Variants in ITGA3 observed in about 807,000 individuals in gnomAD.
ITGA3 encodes the protein integrin subunit alpha 3.
In ITGA3, 70 loss-of-function variants were observed where a neutral mutation model predicts 131.1. That is an observed-to-expected ratio of 0.53 (90% CI 0.44 to 0.65). The LOEUF (loss-of-function observed/expected upper bound fraction) is 0.65. Ranked by LOEUF, ITGA3 falls within the 30% of genes least tolerant of loss-of-function variation. ITGA3 has a pLI of 0.00. For synonymous variants in ITGA3, 537 were observed against 571.6 expected, an observed-to-expected ratio of 0.94 and a Z score of 0.86; for missense variants, 1,098 against 1,388.6, an observed-to-expected ratio of 0.79 and a Z score of 3.33.
chr17:50,073,593 AACACACACACACACACACACAC>A (rs71146961), intron 7 of ITGA3, among the ~76,000 whole-genome samples: 1 of 144,158 alleles, frequency 6.9e-6, no homozygotes, highest in African/African-American at 2.6e-5. Context: ...ACTGTCTATA[AACACACACACACACACACACAC>A]ACACACACAC....
chr17:50,056,339 T>A lies in ITGA3; in HGVS notation c.-101T>A. 1.2e-6 allele frequency: 1 copy of A among 808,274 alleles called. No homozygotes were observed. The highest frequency in any genetic ancestry group is 1.8e-6 in the Non-Finnish European group (1 of 556,706). 50.1% of individuals were successfully genotyped at this position (808,274 alleles called of 1,614,324 possible). A position where few individuals can be genotyped will look rare whatever the true frequency, so the allele number is the denominator to read the frequency against. On this transcript the variant is annotated 5_prime_UTR_variant, in exon 1 of 26. Transcript: ENST00000320031. This position sits in a 1 kb window ranked among gnomAD's most constrained non-coding sequence, Gnocchi z 5.6. ...CTACGGAGCGCAGCGGCCGGCGGGT[T>A]CCAGTGTCCTCCGGCGGCGCGGGGA...
chr17:50,071,279 G>A (rs1908617801), intron 5 of ITGA3, 32 bp from the exon 6 acceptor site: 1 of 1,596,026 alleles, frequency 6.3e-7, no homozygotes, highest in Non-Finnish European at 8.6e-7. Flanking sequence ...AGTTGACTGG[G>A]ACCTTGGTTG....
Position 50,088,096 on chromosome 17 carries a change from C to T in ITGA3, c.3046-129C>T, listed in dbSNP as rs1241820795. 3.0e-6 allele frequency: 4 copies of T among 1,325,954 alleles called. No individual in the cohort carries two copies. The African/African-American group carries it at 4.4e-5, about 15-fold the overall frequency. The allele number at this position is 1,325,954 out of a possible 1,614,324, so 82.1% of individuals were successfully genotyped here. On this transcript the variant is annotated intron_variant, in intron 24 of 25. Transcript: ENST00000320031. ...ACCCAGGAGCTCTGGCTTCTGACCACACCACCAAGCTGGGACTGAGCCCCA... is the reference window on the plus strand; with the variant it reads ...ACCCAGGAGCTCTGGCTTCTGACCATACCACCAAGCTGGGACTGAGCCCCA...
At position 50,056,191 on chromosome 17, in the gene ITGA3, G is replaced by C. The variant is rs1181196905; in HGVS notation, c.-249G>C. 7 of 426,816 alleles carry C rather than the reference G, an allele frequency of 1.6e-5. No individual in the cohort carries two copies. In the South Asian group the frequency reaches 3.8e-4, roughly 23 times the overall value. The allele number at this position is 426,816 out of a possible 1,614,324, so 26.4% of individuals were successfully genotyped here. A position where few individuals can be genotyped will look rare whatever the true frequency, so the allele number is the denominator to read the frequency against. On this transcript the variant is annotated 5_prime_UTR_variant, in exon 1 of 26. Transcript: ENST00000320031. The surrounding 1 kb of genome is among the most constrained non-coding windows in gnomAD (Gnocchi z 5.6). ...GGACAAGCTGGGGGCCGGTTGCCCG[G>C]GGCAGGGACGGCGGCGACCCGGCCG...
chr17:50,056,407 G>C lies in ITGA3; in HGVS notation c.-33G>C, dbSNP rs1033243260. On this transcript the variant is annotated 5_prime_UTR_variant, in exon 1 of 26. Coordinates refer to ENST00000320031, the MANE Select transcript of ITGA3 (RefSeq NM_002204.4). The surrounding 1 kb of genome is among the most constrained non-coding windows in gnomAD (Gnocchi z 5.6). The stretch of plus-strand genomic sequence containing the variant: ...CACGCCCAGCTCCGCGCCCTCACGC[G>C]CTCTCGCCGGGACCCCGCTTCCGCT... 2.8e-6 allele frequency: 4 copies of C among 1,420,890 alleles called. No homozygotes were observed. The South Asian group carries it at 6.1e-5, about 22-fold the overall frequency. 88.0% of individuals were successfully genotyped at this position (1,420,890 alleles called of 1,614,324 possible). A position where few individuals can be genotyped will look rare whatever the true frequency, so the allele number is the denominator to read the frequency against.
In ITGA3 at chr17:50,056,142, A is replaced by G; in HGVS notation, c.-298A>G. 2.9e-6 allele frequency: 1 copy of G among 339,248 alleles called. No individual in the cohort carries two copies. 21.0% of individuals were successfully genotyped at this position (339,248 alleles called of 1,614,324 possible). On this transcript the variant is annotated 5_prime_UTR_variant, in exon 1 of 26. Coordinates refer to ENST00000320031, the MANE Select transcript of ITGA3 (RefSeq NM_002204.4). The surrounding 1 kb of genome is among the most constrained non-coding windows in gnomAD (Gnocchi z 5.6). ...CCGCGAAGCCGGGATCGAAGGCGAC[A>G]GCGCGGCCAAGGGGGCGCGGCCGGG... is the stretch of plus-strand genomic sequence containing the variant.
chr17:50,076,075 T>C (rs996809336), intron 12 of ITGA3, among the ~76,000 whole-genome samples: 1 of 151,836 alleles, frequency 6.6e-6, no homozygotes, highest in African/African-American at 2.4e-5. Flanking sequence ...AGGGGAGAGC[T>C]CAACCTGGAG....
In ITGA3 at chr17:50,077,124, G is replaced by A. The variant is rs1325488645; in HGVS notation, c.2070+3G>A. ...TGCTGCTGTCCTCAGTGCGCCCCGT[G>A]AGTGCCCGCCGGCCGGCTCAGAGCC... On this transcript the variant is annotated splice_donor_region_variant and intron_variant, in intron 15 of 25. Coordinates refer to ENST00000320031, the MANE Select transcript of ITGA3 (RefSeq NM_002204.4). 4 of 1,539,808 alleles carry A rather than the reference G, an allele frequency of 2.6e-6. No individual in the cohort carries two copies. The highest frequency in any genetic ancestry group is 3.5e-6 in the Non-Finnish European group (4 of 1,136,982).
chr17:50,090,455 C>T lies in ITGA3; in HGVS notation c.*1377C>T, dbSNP rs981553966. 5 of 247,602 alleles carry T rather than the reference C, an allele frequency of 2.0e-5. No homozygotes were observed. The highest frequency in any genetic ancestry group is 1.1e-4 in the East Asian group (1 of 9,264). The allele number at this position is 247,602 out of a possible 1,614,324, so 15.3% of individuals were successfully genotyped here. A position where few individuals can be genotyped will look rare whatever the true frequency, so the allele number is the denominator to read the frequency against. Reference sequence around the variant, plus strand: ...TTCTTTGTATATAGGCTTCTCACGGCGACCAATAAACAGCTCCCAGTTTGT... The same window carrying T: ...TTCTTTGTATATAGGCTTCTCACGGTGACCAATAAACAGCTCCCAGTTTGT... On this transcript the variant is annotated 3_prime_UTR_variant, in exon 26 of 26. Coordinates refer to ENST00000320031, the MANE Select transcript of ITGA3 (RefSeq NM_002204.4).
chr17:50,072,339 A>G (rs536348230), intron 7 of ITGA3, among the ~76,000 whole-genome samples, 157 bp downstream of exon 7: 11 of 152,280 alleles, frequency 7.2e-5, no homozygotes, highest in African/African-American at 2.6e-4. Context: ...TACTAGAGAG[A>G]GGATGTGCAG....
chr17:50,078,886 C>T lies in ITGA3; in HGVS notation c.2360C>T (p.Thr787Ile). ...GTGATGGGTGAGTCTGGCATGAAAA[C>T]TGTGGAGGATGTAGGAAGCCCCCTC... is the stretch of plus-strand genomic sequence containing the variant. ...GTVMGESGMKTVEDVGSPLKY... is the reference protein window; with the variant it reads ...GTVMGESGMKIVEDVGSPLKY... Residue 787 changes from threonine to isoleucine, a missense_variant, in exon 19 of 26, where the codon ACT becomes ATT. By Grantham distance (89) the Thr-to-Ile change is moderately conservative. Coordinates refer to ENST00000320031, the MANE Select transcript of ITGA3 (RefSeq NM_002204.4). The T allele has an allele frequency of 6.2e-7, 1 of 1,613,344 alleles. No homozygotes were observed. The highest frequency in any genetic ancestry group is 8.5e-7 in the Non-Finnish European group (1 of 1,179,326).
intron 3 of ITGA3, among the ~76,000 whole-genome samples, chr17:50,067,728 G>C (rs1051624239): frequency 3.3e-5 from 5 of 152,174 alleles, no homozygotes; most frequent in Non-Finnish European, 7.3e-5. Flanking sequence ...AGAGCAGCAA[G>C]TCCCTTAATC....
chr17:50,080,159 C>A, intron 21 of ITGA3, 103 bp from the exon 22 acceptor site: 1 of 667,308 alleles, frequency 1.5e-6, no homozygotes, highest in Non-Finnish European at 2.6e-6. Flanking sequence ...TTGGGTCACC[C>A]AGGGGTGAGA....
At chr17:50,076,497 A>T in intron 13 of ITGA3, 22 bp downstream of exon 13, 3 of 1,607,186 alleles carry the variant, frequency 1.9e-6, no homozygotes, top group Non-Finnish European at 2.5e-6. Flanking sequence ...TGGCGCCTGG[A>T]CTGGAAGACC....
At position 50,068,139 on chromosome 17, in the gene ITGA3, C is replaced by T; in HGVS notation, c.498C>T (p.Gly166=). 6.2e-7 allele frequency: 1 copy of T among 1,614,186 alleles called. No homozygotes were observed. Among genetic ancestry groups the T allele is most frequent in the Non-Finnish European group, 8.5e-7 (1 of 1,180,044 alleles). ...RRMVGKCYVR[G]NDLELDSSDD... ...TGGTGGGCAAGTGCTACGTGCGAGG[C>T]AATGACCTAGAGCTGGACTCCAGTG... Residue 166 remains glycine (G), a synonymous_variant, in exon 4 of 26, where the codon GGC becomes GGT. Coordinates refer to ENST00000320031, the MANE Select transcript of ITGA3 (RefSeq NM_002204.4).
At chr17:50,073,620 ACACACACACACACG>A (rs910184602) in intron 7 of ITGA3, among the ~76,000 whole-genome samples, 4 of 137,328 alleles carry the variant, frequency 2.9e-5, no homozygotes, top group Non-Finnish European at 6.3e-5. Context: ...ACACACACAC[ACACACACACACACG>A]CACACACGCA....
At chr17:50,061,647 A>G (rs1908085172) in intron 1 of ITGA3, among the ~76,000 whole-genome samples, 1 of 151,940 alleles carries the variant, frequency 6.6e-6, no homozygotes, top group African/African-American at 2.4e-5. Flanking sequence ...TCCTCAAGCC[A>G]TGGAAGTCTT....
chr17:50,076,838 G>A, intron 14 of ITGA3, 136 bp from the exon 15 acceptor site: 3 of 1,174,692 alleles, frequency 2.6e-6, no homozygotes, highest in South Asian at 2.7e-5. Flanking sequence ...TCTCCTCCAG[G>A]TGCGACTAGA....
At chr17:50,088,475 C>A in intron 25 of ITGA3, 109 bp downstream of exon 25, 1 of 613,398 alleles carries the variant, frequency 1.6e-6, no homozygotes, top group Admixed American at 2.8e-5. Context: ...CTCATTCTGT[C>A]CCCACCACCA....
Sources: gnomAD v4.1 joint callset for allele counts (sites outside exome capture counted in the v4.1 genomes callset) on GRCh38, gnomAD v4.1.1 for gene constraint, Gnocchi (gnomAD v3.1) non-coding constraint, MANE v1.5 for transcripts, NCBI Gene and HGNC (gene_info 2026-07-23, HGNC 2026-07-21) for gene names.